The following FGF13 variants were observed in gnomAD, a reference collection of about 807,000 sequenced individuals.
The protein encoded by FGF13 is fibroblast growth factor 13.
FGF13 carries 2 observed loss-of-function variants against 19.5 expected under a neutral mutation model. The ratio of observed to expected loss-of-function variants is 0.10; its 90% CI spans 0.04 to 0.32. FGF13 has a LOEUF of 0.32. FGF13 is among the 10% of genes least tolerant of loss of function. FGF13 has a pLI of 1.00. For synonymous variants in FGF13, 72 were observed against 76.9 expected (o/e 0.94, Z 0.33); for missense variants, 113 against 192.7 (o/e 0.59, Z 2.45).
intron 3 of FGF13, among the ~76,000 whole-genome samples, chrX:138,694,354 G>A (rs1172563218): frequency 9.0e-6 from 1 of 111,129 alleles, no homozygotes; most frequent in Non-Finnish European, 1.9e-5. Flanking sequence ...CCAGTGACTA[G>A]AATGCGGAAT....
chrX:138,675,615 T>C (rs1276917091), intron 3 of FGF13, among the ~76,000 whole-genome samples: 1 of 111,562 alleles, frequency 9.0e-6, no homozygotes, highest in East Asian at 2.8e-4. Flanking sequence ...ACTATTATTT[T>C]CATATTTATT....
At chrX:138,961,451 C>T (rs890826102) in intron 1 of FGF13, among the ~76,000 whole-genome samples, 2 of 111,405 alleles carry the variant, frequency 1.8e-5, no homozygotes, top group African/African-American at 3.3e-5. Context: ...GGGTCAAGGA[C>T]CCACTTGAGG....
chrX:139,161,740 C>A (rs2084035947), intron 1 of FGF13, among the ~76,000 whole-genome samples: 1 of 111,564 alleles, frequency 9.0e-6, no homozygotes, highest in Non-Finnish European at 1.9e-5. Flanking sequence ...AAATCACAAG[C>A]ATTCCTATAC....
chrX:139,107,343 G>A (rs1480658603), intron 1 of FGF13, among the ~76,000 whole-genome samples: 2 of 111,947 alleles, frequency 1.8e-5, no homozygotes, highest in African/African-American at 6.5e-5. Context: ...TACACTACAT[G>A]CAAGAAACCT....
intron 3 of FGF13, among the ~76,000 whole-genome samples, chrX:138,825,443 T>C (rs1447352604): frequency 8.9e-6 from 1 of 112,300 alleles, no homozygotes; most frequent in African/African-American, 3.2e-5. Flanking sequence ...TGCAGCTACA[T>C]AAAAATAACT....
In FGF13 at chrX:138,625,404, G is replaced by C. The variant is rs999423239; in HGVS notation, c.*7446C>G. 4 of 102,017 alleles carry C rather than the reference G, an allele frequency of 3.9e-5. No homozygotes were observed. Among genetic ancestry groups the C allele is most frequent in the Non-Finnish European group, 7.9e-5 (4 of 50,382 alleles). 8.4% of individuals were successfully genotyped at this position (102,017 alleles called of 1,213,427 possible). A position where few individuals can be genotyped will look rare whatever the true frequency, so the allele number is the denominator to read the frequency against. ...TCCCATTGCACCATTATTCACAATA[G>C]ATAAGTTATGGAACAACCTAAGTGC... On this transcript the variant is annotated 3_prime_UTR_variant, in exon 5 of 5. Coordinates refer to ENST00000315930, the MANE Select transcript of FGF13 (RefSeq NM_004114.5).
chrX:138,637,151 C>G (rs139701372), intron 3 of FGF13, among the ~76,000 whole-genome samples: 2 of 111,938 alleles, frequency 1.8e-5, no homozygotes, highest in Admixed American at 1.9e-4. Flanking sequence ...ACAAATTCAA[C>G]CTACTCAAGA....
intron 1 of FGF13, among the ~76,000 whole-genome samples, chrX:139,028,042 C>T (rs2092207527): frequency 1.8e-5 from 2 of 111,529 alleles, no homozygotes; most frequent in African/African-American, 3.2e-5. Flanking sequence ...AGATCACTAA[C>T]GGTATTTAAG....
chrX:138,674,226 T>C (rs2089642442), intron 3 of FGF13, among the ~76,000 whole-genome samples: 1 of 111,056 alleles, frequency 9.0e-6, no homozygotes, highest in Non-Finnish European at 1.9e-5. Flanking sequence ...CTTAAATCCC[T>C]CAACTCTATG....
intron 1 of FGF13, among the ~76,000 whole-genome samples, chrX:138,924,232 G>T (rs2091660955): frequency 8.9e-6 from 1 of 111,749 alleles, no homozygotes; most frequent in African/African-American, 3.3e-5. Flanking sequence ...AGGATCTTAT[G>T]GTTTGAACAA....
intron 1 of FGF13, among the ~76,000 whole-genome samples, chrX:139,005,751 AAAAC>A (rs1339762041): frequency 9.3e-6 from 1 of 108,037 alleles, no homozygotes; most frequent in Non-Finnish European, 1.9e-5. Flanking sequence ...TAAACAAAAA[AAAAC>A]CAGAAATTCT....
intron 1 of FGF13, among the ~76,000 whole-genome samples, chrX:139,077,455 T>C (rs2083340182): frequency 9.0e-6 from 1 of 111,701 alleles, no homozygotes; most frequent in African/African-American, 3.3e-5. Context: ...GAATGTGGTA[T>C]TAGGCAATTT....
intron 4 of FGF13, among the ~76,000 whole-genome samples, chrX:138,634,071 A>G (rs183063665): frequency 8.9e-6 from 1 of 111,793 alleles, no homozygotes; most frequent in East Asian, 2.8e-4. Flanking sequence ...CACCCTTTCT[A>G]ATTTGCTATT....
Position 138,828,476 on chromosome X carries a change from G to A in FGF13, c.217+29036C>T, listed in dbSNP as rs1287680888. Among the ~76,000 whole-genome samples, 10 of 108,923 alleles carry A rather than the reference G, an allele frequency of 9.2e-5. No homozygotes were observed. In the South Asian group the frequency reaches 1.2e-3, roughly 13 times the overall value. 94.6% of individuals were successfully genotyped at this position (108,923 alleles called of 115,157 possible). ...TCCCAGCTACTCGAGAGGCTGAGGC[G>A]GGAGAATGGCGTGAACCCGGGAGGC... is the stretch of plus-strand genomic sequence containing the variant. On this transcript the variant is annotated intron_variant, in intron 3 of 6. Transcript: ENST00000436198.
In FGF13 at chrX:138,974,609, T is replaced by C. The variant is rs140730706; in HGVS notation, c.-112-109959A>G. 4.9e-3 allele frequency among the ~76,000 whole-genome samples: 554 copies of C among 112,213 alleles called. 5 individuals carry two copies. The highest frequency in any genetic ancestry group is 0.017 in the African/African-American group (536 of 30,906). ...TTCTAAGTCTTCTATTCTTGAATAT[T>C]TAAAGAAAGTTAGGAGAATTCAACT... is the stretch of plus-strand genomic sequence containing the variant. On this transcript the variant is annotated intron_variant, in intron 1 of 2. Coordinates refer to the FGF13 transcript ENST00000421460.
rs769131283 is a variant in FGF13 at position 138,688,131 on chromosome X, A to AT, written c.402+14852dup. Reference sequence around the variant, plus strand: ...CCACCATGCCCGGCTAATTTTTTGTATTTTTTTTTTTTTAGTAGAGACGGG... The same window carrying AT: ...CCACCATGCCCGGCTAATTTTTTGTATTTTTTTTTTTTTTAGTAGAGACGGG... On this transcript the variant is annotated intron_variant, in intron 3 of 4. Coordinates refer to ENST00000315930, the MANE Select transcript of FGF13 (RefSeq NM_004114.5). Among the ~76,000 whole-genome samples, 176 of 97,965 alleles carry AT rather than the reference A, an allele frequency of 1.8e-3. 1 individual carries two copies. Among genetic ancestry groups the AT allele is most frequent in the Middle Eastern group, 5.3e-3 (1 of 188 alleles). 85.1% of individuals were successfully genotyped at this position (97,965 alleles called of 115,157 possible).
intron 1 of FGF13, among the ~76,000 whole-genome samples, chrX:139,180,403 C>G (rs917245888): frequency 8.9e-6 from 1 of 111,887 alleles, no homozygotes; most frequent in African/African-American, 3.2e-5. Flanking sequence ...CTTACATACC[C>G]TAAAGGTATT....
chrX:139,141,768 T>G lies in FGF13; in HGVS notation c.-113+61648A>C, dbSNP rs750066719. On this transcript the variant is annotated intron_variant, in intron 1 of 2. Transcript: ENST00000421460. ...TATATTTAGTTCTTCAATGTTCTGT[T>G]TCTCTGAATAAACCATTAACATGGA... Among the ~76,000 whole-genome samples, 70 of 112,635 alleles carry G rather than the reference T, an allele frequency of 6.2e-4. 1 individual carries two copies. Among genetic ancestry groups the G allele is most frequent in the Non-Finnish European group, 1.1e-3 (60 of 53,386 alleles).
At chrX:139,062,537 C>T (rs1203115105) in intron 1 of FGF13, among the ~76,000 whole-genome samples, 1 of 111,649 alleles carries the variant, frequency 9.0e-6, no homozygotes, top group Admixed American at 9.6e-5. Context: ...CTGGGGTCTT[C>T]TATGATTCCG....
Sources: allele counts gnomAD v4.1 joint callset (sites outside exome capture counted in the v4.1 genomes callset), GRCh38; gene constraint gnomAD v4.1.1; transcripts MANE v1.5; gene names NCBI Gene and HGNC (gene_info 2026-07-23, HGNC 2026-07-21).